THSD4: variants seen among roughly 807,000 people sequenced by gnomAD.
The protein encoded by THSD4 is thrombospondin type-1 domain-containing protein 4.
THSD4 carries 69 observed loss-of-function variants against 119.0 expected under a neutral mutation model. The observed-to-expected ratio is 0.58, with a 90% CI of 0.48 to 0.71. The LOEUF is 0.71. Among genes scored for constraint, THSD4 ranks in the 30% least tolerant of loss-of-function variants. The pLI is 0.00. For synonymous variants in THSD4, 524 were observed against 540.4 expected (o/e 0.97, Z 0.42); for missense variants, 1,393 against 1,391.1 (o/e 1.00, Z -0.02).
chr15:71,584,258 CTTTCT>C (rs2049617285), intron 7 of THSD4, among the ~76,000 whole-genome samples: 1 of 71,582 alleles, frequency 1.4e-5, no homozygotes, highest in Non-Finnish European at 3.2e-5. Context: ...TTTTTTTTCA[CTTTCT>C]TTTTTTTTTT....
chr15:71,130,132 C>A (rs895953015), intron 1 of THSD4, among the ~76,000 whole-genome samples: 1 of 152,188 alleles, frequency 6.6e-6, no homozygotes, highest in African/African-American at 2.4e-5. Context: ...TGAACACAGG[C>A]AACTCTCCTG....
At chr15:71,469,987 A>G (rs1742522653) in intron 7 of THSD4, among the ~76,000 whole-genome samples, 1 of 152,216 alleles carries the variant, frequency 6.6e-6, no homozygotes, top group African/African-American at 2.4e-5. Context: ...ATTTTAACAT[A>G]TAAATAGGAG....
chr15:71,281,339 C>T (rs890761562), intron 6 of THSD4, among the ~76,000 whole-genome samples: 1 of 152,184 alleles, frequency 6.6e-6, no homozygotes, highest in Non-Finnish European at 1.5e-5. Context: ...TTAGTGAAAT[C>T]TGAAAGTAGG....
intron 10 of THSD4, chr15:71,732,312 A>T (rs1011557047): frequency 2.6e-5 from 4 of 152,162 alleles, no homozygotes; most frequent in Non-Finnish European, 5.9e-5. Flanking sequence ...GACCTATAAG[A>T]CAAGAATAAT....
chr15:71,675,359 ACTGTAGTTTAT>A (rs1234754596), intron 8 of THSD4, among the ~76,000 whole-genome samples: 5 of 152,208 alleles, frequency 3.3e-5, no homozygotes, highest in African/African-American at 1.2e-4. Context: ...AATATATTTT[ACTGTAGTTTAT>A]CTGTTTACAT....
chr15:71,542,880 AAAAAAAAC>A (rs1194934400), intron 7 of THSD4, among the ~76,000 whole-genome samples: 1 of 151,848 alleles, frequency 6.6e-6, no homozygotes, highest in African/African-American at 2.4e-5. Context: ...CTGTCTCAAA[AAAAAAAAC>A]AAAAAAACAA....
chr15:71,534,315 C>T (rs2048658979), intron 7 of THSD4, among the ~76,000 whole-genome samples: 1 of 152,206 alleles, frequency 6.6e-6, no homozygotes. Flanking sequence ...CTACCTGTTT[C>T]CCTAGACTCT....
At chr15:71,534,049 G>A (rs558111146) in intron 7 of THSD4, among the ~76,000 whole-genome samples, 5 of 152,198 alleles carry the variant, frequency 3.3e-5, no homozygotes, top group East Asian at 1.9e-4. Flanking sequence ...GTACATCAGC[G>A]CGATCCCAGC....
chr15:71,609,851 CAAAAAAAAA>C (rs369430349), intron 7 of THSD4, among the ~76,000 whole-genome samples: 9 of 115,592 alleles, frequency 7.8e-5, no homozygotes, highest in Non-Finnish European at 1.4e-4. Flanking sequence ...GACTCCGTCT[CAAAAAAAAA>C]AAAAAAAGAA....
chr15:71,421,325 CCCTT>C (rs2046804259), intron 7 of THSD4, among the ~76,000 whole-genome samples: 1 of 50,152 alleles, frequency 2.0e-5, no homozygotes. Flanking sequence ...TCTTTCTACT[CCCTT>C]TAGTATTTCT....
At chr15:71,574,546 T>C (rs1411242222) in intron 7 of THSD4, among the ~76,000 whole-genome samples, 1 of 152,096 alleles carries the variant, frequency 6.6e-6, no homozygotes, top group Non-Finnish European at 1.5e-5. Flanking sequence ...GTCCTGAATC[T>C]CCTTTCACTA....
chr15:71,428,278 T>G lies in THSD4; in HGVS notation c.1152+16455T>G, dbSNP rs200774104. Reference sequence around the variant, plus strand: ...TGTTCCACAAGGCACATAATAAAACTTTAGAAAACTGTGCTGTATGGGGAA... The same window carrying G: ...TGTTCCACAAGGCACATAATAAAACGTTAGAAAACTGTGCTGTATGGGGAA... On this transcript the variant is annotated intron_variant, in intron 7 of 17. Coordinates refer to ENST00000261862, the MANE Select transcript of THSD4 (RefSeq NM_024817.3). 3.3e-5 allele frequency among the ~76,000 whole-genome samples: 5 copies of G among 152,214 alleles called. No homozygotes were observed. The East Asian group carries it at 7.7e-4, about 23-fold the overall frequency.
chr15:71,633,269 C>CTTTTTTTTTTTTTTTTTTTTTTTTTTTTT (rs67682951), intron 7 of THSD4, among the ~76,000 whole-genome samples: 2 of 63,162 alleles, frequency 3.2e-5, no homozygotes, highest in African/African-American at 5.7e-5. Flanking sequence ...TTCTTTCTTT[C>CTTTTTTTTTTTTTTTTTTTTTTTTTTTTT]TTTTTTTTTT....
intron 8 of THSD4, among the ~76,000 whole-genome samples, chr15:71,726,130 G>C (rs4777450): frequency 6.6e-6 from 1 of 152,046 alleles, no homozygotes; most frequent in African/African-American, 2.4e-5. Context: ...CCCCAAATCT[G>C]TTCTTCCTCA....
At chr15:71,433,794 C>A (rs1162245880) in intron 7 of THSD4, among the ~76,000 whole-genome samples, 3 of 152,140 alleles carry the variant, frequency 2.0e-5, no homozygotes, top group African/African-American at 7.2e-5. Context: ...GGGCCCTGCC[C>A]TGTAGCTGAT....
rs534108057 is a variant in THSD4, at chr15:71,722,589, TAAG to T, written c.1358-5953_1358-5951del. On this transcript the variant is annotated intron_variant, in intron 8 of 17. Coordinates refer to ENST00000261862, the MANE Select transcript of THSD4 (RefSeq NM_024817.3). ...CATTTTTGATGTGTGAATGGGATCG[TAAG>T]AAGAAGTTATAAAAAAGAGAAAATA... 8.7e-4 allele frequency among the ~76,000 whole-genome samples: 132 copies of T among 152,332 alleles called. 1 individual carries two copies. The Middle Eastern group carries it at 0.01, about 12-fold the overall frequency.
intron 6 of THSD4, among the ~76,000 whole-genome samples, chr15:71,359,101 C>G (rs920863753): frequency 2.0e-5 from 3 of 152,156 alleles, no homozygotes; most frequent in Non-Finnish European, 4.4e-5. Context: ...GAGTCAACAC[C>G]TTTTCCCACC....
chr15:71,105,264 C>T (rs923087725), intron 1 of THSD4, among the ~76,000 whole-genome samples: 2 of 152,310 alleles, frequency 1.3e-5, no homozygotes, highest in East Asian at 1.9e-4. Context: ...CTCAGCAATA[C>T]TTTGCTGGGA....
chr15:71,600,264 A>C (rs748217547), intron 7 of THSD4, among the ~76,000 whole-genome samples: 5 of 152,200 alleles, frequency 3.3e-5, no homozygotes, highest in African/African-American at 4.8e-5. Flanking sequence ...GAATGGTCAA[A>C]TCTTACCATC....
Sources: allele counts gnomAD v4.1 joint callset (sites outside exome capture counted in the v4.1 genomes callset), GRCh38; gene constraint gnomAD v4.1.1; transcripts MANE v1.5; gene names NCBI Gene and HGNC (gene_info 2026-07-23, HGNC 2026-07-21).